Variants in CORO7 observed in about 807,000 individuals in gnomAD.
CORO7 encodes coronin 7.
A neutral mutation model predicts 126.6 loss-of-function variants in CORO7; 107 were observed. That is an observed-to-expected ratio of 0.85 (90% CI 0.72 to 0.99). CORO7 has a LOEUF of 0.99. CORO7 is among the 50% of genes least tolerant of loss of function. CORO7 has a pLI of 0.00. For synonymous variants in CORO7, 603 were observed against 536.8 expected (o/e 1.12, Z -1.70); for missense variants, 1,314 against 1,255.8 (o/e 1.05, Z -0.70).
At position 4,391,973 on chromosome 16, in the gene CORO7, T is replaced by C. The variant is rs114417863; in HGVS notation, c.615+3316A>G. 3.2e-3 allele frequency among the ~76,000 whole-genome samples: 485 copies of C among 152,302 alleles called. 6 individuals are homozygous for C. The highest frequency in any genetic ancestry group is 0.011 in the African/African-American group (462 of 41,570). ...CCTTCATCACCATGGCGACACTTCC[T>C]GTGCAGGGCAGGATGGTTCCAGGAG... is the stretch of plus-strand genomic sequence containing the variant. On this transcript the variant is annotated intron_variant, in intron 7 of 27. Coordinates refer to ENST00000251166, the MANE Select transcript of CORO7 (RefSeq NM_024535.5).
intron 6 of CORO7, among the ~76,000 whole-genome samples, chr16:4,400,922 G>T (rs1275518132): frequency 6.6e-6 from 1 of 152,040 alleles, no homozygotes; most frequent in Non-Finnish European, 1.5e-5. Context: ...AAGGAATATG[G>T]AAAATCCTTA....
intron 7 of CORO7, among the ~76,000 whole-genome samples, chr16:4,392,811 G>A (rs1023439508): frequency 1.3e-5 from 2 of 152,202 alleles, no homozygotes; most frequent in East Asian, 1.9e-4. Context: ...AGGGCCACAC[G>A]GAGAGCGGCA....
rs1269963772 is a variant in CORO7, at chr16:4,360,541, C to G, written c.1925G>C (p.Ser642Thr). 4 of 1,603,228 alleles carry G rather than the reference C, an allele frequency of 2.5e-6. No homozygotes were observed. Among genetic ancestry groups the G allele is most frequent in the Non-Finnish European group, 3.4e-6 (4 of 1,175,478 alleles). ...CTGCCCATCAGGACTCCAGGCCAGG[C>G]TGAAGATCTGGGGGCAGGAAGGGAT... ...KLQGHQDQIF[S>T]LAWSPDGQQL... Residue 642 changes from serine to threonine, a missense_variant, in exon 20 of 28, where the codon AGC becomes ACC. Ser to Thr is a moderately conservative substitution (Grantham distance 58). Coordinates refer to ENST00000251166, the MANE Select transcript of CORO7 (RefSeq NM_024535.5).
chr16:4,364,288 A>C lies in CORO7; in HGVS notation c.1263T>G (p.Asp421Glu), dbSNP rs1455386971. 1 of 1,542,904 alleles carries C rather than the reference A, an allele frequency of 6.5e-7. No individual in the cohort carries two copies. Among genetic ancestry groups the C allele is most frequent in the African/African-American group, 1.4e-5 (1 of 72,272 alleles). The change falls in exon 14 of 28, where the codon GAT (aspartate) becomes GAG (glutamate). Residue 421 changes from aspartate (D) to glutamate (E), a missense_variant. Asp to Glu is a conservative substitution (Grantham distance 45, BLOSUM62 2). Transcript: ENST00000251166. Reference sequence around the variant, plus strand: ...CCCTGGTACTTACGCTTGCGTCTGCATCACCCACGGGTGTCTCCATCACCG... The same window carrying C: ...CCCTGGTACTTACGCTTGCGTCTGCCTCACCCACGGGTGTCTCCATCACCG... ...QPAVMETPVG[D>E]ADASEGFSSP...
rs1203204065 is a variant in CORO7, at chr16:4,405,667, C to T, written c.488-100G>A. ...GGGGGAACTCCCAGAGCAAAGGCAG[C>T]AGCTACGAGGGTCCTTTTCAGCCAA... On this transcript the variant is annotated intron_variant, in intron 5 of 27. Coordinates refer to ENST00000251166, the MANE Select transcript of CORO7 (RefSeq NM_024535.5). 7.0e-6 allele frequency: 10 copies of T among 1,434,418 alleles called. No homozygotes were observed. The East Asian group carries it at 7.3e-5, about 11-fold the overall frequency. The allele number at this position is 1,434,418 out of a possible 1,614,324, so 88.9% of individuals were successfully genotyped here. A position where few individuals can be genotyped will look rare whatever the true frequency, so the allele number is the denominator to read the frequency against.
At chr16:4,381,990 G>C in intron 9 of CORO7, 1 of 1,607,342 alleles carries the variant, frequency 6.2e-7, no homozygotes. Context: ...CCACAGCCTT[G>C]TCTTCTAGCT....
intron 7 of CORO7, among the ~76,000 whole-genome samples, chr16:4,394,475 A>C (rs2055511491): frequency 6.6e-6 from 1 of 151,532 alleles, no homozygotes; most frequent in African/African-American, 2.4e-5. Flanking sequence ...AAACTCTCTA[A>C]TGGCTTCCCA....
Position 4,359,650 on chromosome 16 carries a change from G to A in CORO7, c.2109-29C>T, listed in dbSNP as rs751226157. ...CAAGGGGGTTTGGGGGCTGAAGCAGGTGTTTCAGAGCTGAAGGGGCCTGGG... is the reference window on the plus strand; with the variant it reads ...CAAGGGGGTTTGGGGGCTGAAGCAGATGTTTCAGAGCTGAAGGGGCCTGGG... On this transcript the variant is annotated intron_variant, in intron 21 of 27. Transcript: ENST00000251166. The A allele has an allele frequency of 3.2e-6, 5 of 1,568,764 alleles. No individual in the cohort carries two copies. The South Asian group carries it at 4.8e-5, about 15-fold the overall frequency.
Position 4,361,049 on chromosome 16 carries a change from G to T in CORO7, c.1811C>A (p.Pro604Gln), listed in dbSNP as rs768511764. 6.2e-7 allele frequency: 1 copy of T among 1,613,366 alleles called. No homozygotes were observed. The highest frequency in any genetic ancestry group is 1.7e-5 in the Admixed American group (1 of 60,030). The change falls in exon 19 of 28, where the codon CCA (proline) becomes CAA (glutamine). Residue 604 changes from proline to glutamine, a missense_variant. Physicochemically the swap from Pro to Gln is moderately conservative, Grantham distance 76. Coordinates refer to ENST00000251166, the MANE Select transcript of CORO7 (RefSeq NM_024535.5). ...TEKICSLRFH[P>Q]LAANVLASSS... ...CGAGGCCAGCACATTGGCTGCCAGT[G>T]GGTGGAAGCGCAGGGAGCAGATCTT... is the stretch of plus-strand genomic sequence containing the variant.
chr16:4,404,213 C>T (rs1329835329), intron 6 of CORO7, among the ~76,000 whole-genome samples: 1 of 152,218 alleles, frequency 6.6e-6, no homozygotes, highest in African/African-American at 2.4e-5. Flanking sequence ...AGCTCCTGTT[C>T]GGCTCCATTC....
rs1437498544 is a variant in CORO7, at chr16:4,358,456, A to G, written c.2368T>C (p.Cys790Arg). ...ATCAGCTCCACTTCCCGCACGTCGCACTCCGTCTTAGGCAGGAGGACGAGG... is the reference window on the plus strand; with the variant it reads ...ATCAGCTCCACTTCCCGCACGTCGCGCTCCGTCTTAGGCAGGAGGACGAGG... ...KGLVLLPKTE[C>R]DVREVELMRC... The change falls in exon 24 of 28, where the codon TGC (cysteine) becomes CGC (arginine). Residue 790 changes from cysteine (C) to arginine (R), a missense_variant. By Grantham distance (180) the Cys-to-Arg change is radical. Coordinates refer to ENST00000251166, the MANE Select transcript of CORO7 (RefSeq NM_024535.5). 1 of 1,608,876 alleles carries G rather than the reference A, an allele frequency of 6.2e-7. No individual in the cohort carries two copies. The highest frequency in any genetic ancestry group is 2.2e-5 in the East Asian group (1 of 44,774).
Position 4,406,816 on chromosome 16 carries a change from T to C in CORO7, c.487+685A>G, listed in dbSNP as rs574745881. Among the ~76,000 whole-genome samples, 103 of 151,852 alleles carry C rather than the reference T, an allele frequency of 6.8e-4. 1 individual carries two copies. The highest frequency in any genetic ancestry group is 1.2e-3 in the Non-Finnish European group (81 of 67,956). The stretch of plus-strand genomic sequence containing the variant: ...CACCACACCCAGCTAAGTTTTTGTA[T>C]TTTTAGTAGAGACGCGGTTTCACTA... On this transcript the variant is annotated intron_variant, in intron 5 of 27. Coordinates refer to ENST00000251166, the MANE Select transcript of CORO7 (RefSeq NM_024535.5).
At chr16:4,394,268 A>T (rs2055499215) in intron 7 of CORO7, among the ~76,000 whole-genome samples, 1 of 151,422 alleles carries the variant, frequency 6.6e-6, no homozygotes, top group Non-Finnish European at 1.5e-5. Context: ...ACATGGTGAA[A>T]CCCAGTCTCT....
In CORO7 at chr16:4,362,172, C is replaced by T; in HGVS notation, c.1403-12G>A. 1 of 1,602,698 alleles carries T rather than the reference C, an allele frequency of 6.2e-7. No individual in the cohort carries two copies. Among genetic ancestry groups the T allele is most frequent in the Admixed American group, 1.7e-5 (1 of 58,022 alleles). On this transcript the variant is annotated splice_polypyrimidine_tract_variant and intron_variant, in intron 15 of 27. Transcript: ENST00000251166. The surrounding 1 kb of genome is among the most constrained non-coding windows in gnomAD (Gnocchi z 5.3). ...CTTGGAACTGGGGCCTGGCAGGTGGCAGGGACATGGAACCACGTGTGAGGA... is the reference window on the plus strand; with the variant it reads ...CTTGGAACTGGGGCCTGGCAGGTGGTAGGGACATGGAACCACGTGTGAGGA...
At chr16:4,364,464 G>C in intron 13 of CORO7, 51 bp from the exon 14 acceptor site, 1 of 1,478,354 alleles carries the variant, frequency 6.8e-7, no homozygotes, top group South Asian at 1.4e-5. Context: ...GCCCGGTCAG[G>C]AGGGCCCCCA....
rs772473097 is a variant in CORO7 at position 4,358,317 on chromosome 16, T to C, written c.2457+50A>G. 3.1e-5 allele frequency: 49 copies of C among 1,596,024 alleles called. No homozygotes were observed. In the Middle Eastern group the frequency reaches 8.4e-4, roughly 27 times the overall value. On this transcript the variant is annotated intron_variant, in intron 24 of 27. Coordinates refer to ENST00000251166, the MANE Select transcript of CORO7 (RefSeq NM_024535.5). ...GTCAGACGGGACCCAAACTCCCCTC[T>C]AGGCACCGAGAAGGCGGTGGGCATG...
intron 6 of CORO7, among the ~76,000 whole-genome samples, chr16:4,404,506 C>A (rs559386746): frequency 6.6e-6 from 1 of 152,286 alleles, no homozygotes; most frequent in South Asian, 2.1e-4. Context: ...CACCTGCAGC[C>A]GGATTCTGCT....
chr16:4,382,382 C>A, intron 9 of CORO7: 1 of 1,612,282 alleles, frequency 6.2e-7, no homozygotes, highest in Non-Finnish European at 8.5e-7. Context: ...CGCAACCTAT[C>A]GGGCCCTGAT....
intron 6 of CORO7, chr16:4,397,349 A>C (rs1419696081): frequency 6.6e-6 from 1 of 151,678 alleles, no homozygotes; most frequent in African/African-American, 2.4e-5. Flanking sequence ...AGGCTGAGTC[A>C]GGAGAATCAC....
Sources: allele counts gnomAD v4.1 joint callset (sites outside exome capture counted in the v4.1 genomes callset), GRCh38; gene constraint gnomAD v4.1.1; non-coding constraint Gnocchi (gnomAD v3.1); transcripts MANE v1.5; gene names NCBI Gene and HGNC (gene_info 2026-07-23, HGNC 2026-07-21).